The following LYPD6 variants were observed in gnomAD, a reference collection of about 807,000 sequenced individuals.
LYPD6 encodes the protein ly6/PLAUR domain-containing protein 6.
A neutral mutation model predicts 22.7 loss-of-function variants in LYPD6; 15 were observed. That is an observed-to-expected ratio of 0.66 (90% CI 0.44 to 1.02). The LOEUF is 1.02. Ranked by LOEUF, LYPD6 falls within the 50% of genes least tolerant of loss-of-function variation. The probability of loss-of-function intolerance (pLI) is 0.00; values close to 1 mark genes in which losing one functional copy is unlikely to be tolerated. For missense variants in LYPD6, 189 were observed against 208.4 expected (o/e 0.91, Z 0.57); for synonymous variants, 72 against 77.5 (o/e 0.93, Z 0.37).
At chr2:149,465,454 G>A (rs1177086397) in intron 3 of LYPD6, among the ~76,000 whole-genome samples, 2 of 152,150 alleles carry the variant, frequency 1.3e-5, no homozygotes, top group African/African-American at 2.4e-5. Context: ...TACTATTAAA[G>A]TATTTTCCTC....
At chr2:149,440,811 C>G (rs1683548613) in intron 2 of LYPD6, among the ~76,000 whole-genome samples, 1 of 149,600 alleles carries the variant, frequency 6.7e-6, no homozygotes, top group Non-Finnish European at 1.5e-5. Flanking sequence ...TGCCATTCTC[C>G]TGCCTCAGCC....
chr2:149,484,082 G>A, the LYPD6 span, among the ~76,000 whole-genome samples: 1 of 152,172 alleles, frequency 6.6e-6, no homozygotes, highest in Non-Finnish European at 1.5e-5. Flanking sequence ...TACAACAAAC[G>A]TTAATAGATT....
chr2:149,370,667 A>G (rs565385415), intron 1 of LYPD6: 14 of 152,304 alleles, frequency 9.2e-5, no homozygotes, highest in East Asian at 7.7e-4. Flanking sequence ...GGTCTGTGGT[A>G]TATTGTTATA....
At chr2:149,368,493 AC>A (rs2105075106) in intron 1 of LYPD6, among the ~76,000 whole-genome samples, 1 of 152,274 alleles carries the variant, frequency 6.6e-6, no homozygotes, top group East Asian at 1.9e-4. Flanking sequence ...TGATTGCACC[AC>A]TGCACTCCAG....
chr2:149,335,623 C>T (rs1397465534), intron 1 of LYPD6, among the ~76,000 whole-genome samples: 2 of 152,106 alleles, frequency 1.3e-5, no homozygotes, highest in Non-Finnish European at 2.9e-5. Flanking sequence ...TCTACAGTAA[C>T]GTCCTCAGCC....
chr2:149,374,652 A>G (rs1007002166), intron 1 of LYPD6, among the ~76,000 whole-genome samples: 2 of 152,116 alleles, frequency 1.3e-5, no homozygotes, highest in Non-Finnish European at 2.9e-5. Flanking sequence ...TGCATTTAGG[A>G]GGTTCTCCTG....
At chr2:149,455,077 TC>T (rs1680924621) in intron 3 of LYPD6, among the ~76,000 whole-genome samples, 1 of 152,082 alleles carries the variant, frequency 6.6e-6, no homozygotes, top group Admixed American at 6.6e-5. Context: ...AGGGGGCTTG[TC>T]TTTTCTCTGG....
intron 1 of LYPD6, among the ~76,000 whole-genome samples, chr2:149,406,632 A>C (rs1682716224): frequency 6.6e-6 from 1 of 152,210 alleles, no homozygotes; most frequent in Non-Finnish European, 1.5e-5. Context: ...GTGTCTCTGC[A>C]CGTGAGATGG....
At position 149,430,248 on chromosome 2, in the gene LYPD6, C is replaced by T. The variant is rs368008097; in HGVS notation, c.-71-7390C>T. On this transcript the variant is annotated intron_variant, in intron 1 of 4. Coordinates refer to ENST00000334166, the MANE Select transcript of LYPD6 (RefSeq NM_194317.5). ...TGGAGTAGCTGGGATTACAGGTGCC[C>T]GCCGCCATGCCCAGCTAATTTTTGT... is the stretch of plus-strand genomic sequence containing the variant. Among the ~76,000 whole-genome samples, 16 of 152,158 alleles carry T rather than the reference C, an allele frequency of 1.1e-4. No individual in the cohort carries two copies. The South Asian group carries it at 1.7e-3, about 16-fold the overall frequency.
At chr2:149,416,878 G>T (rs183949772) in intron 1 of LYPD6, among the ~76,000 whole-genome samples, 39 of 152,344 alleles carry the variant, frequency 2.6e-4, no homozygotes, top group Admixed American at 9.8e-4. Flanking sequence ...TGTGAGGCCT[G>T]CTGCTTATGA....
chr2:149,398,812 A>T (rs1682485957), intron 1 of LYPD6, among the ~76,000 whole-genome samples: 1 of 152,228 alleles, frequency 6.6e-6, no homozygotes, highest in African/African-American at 2.4e-5. Context: ...CAGAATGGAT[A>T]GAGGAGAAGG....
the LYPD6 span, among the ~76,000 whole-genome samples, chr2:149,483,539 G>A: frequency 6.6e-6 from 1 of 152,114 alleles, no homozygotes; most frequent in African/African-American, 2.4e-5. Context: ...ACTCTAAATG[G>A]GAAGAAGGCT....
upstream of LYPD6, chr2:149,330,383 A>C (rs1157443762): frequency 6.6e-6 from 1 of 150,956 alleles, no homozygotes; most frequent in African/African-American, 2.4e-5. Flanking sequence ...CTTGGCGCTC[A>C]GGCCGATTCT....
In LYPD6 at chr2:149,449,075, T is replaced by C. The variant is rs1558811915; in HGVS notation, c.145T>C (p.Cys49Arg). 6.2e-7 allele frequency: 1 copy of C among 1,613,588 alleles called. No individual in the cohort carries two copies. The highest frequency in any genetic ancestry group is 1.1e-5 in the South Asian group (1 of 90,976). Residue 49 changes from cysteine (C) to arginine (R), a missense_variant, in exon 3 of 5, where the codon TGT becomes CGT. Cys to Arg is a radical substitution (Grantham distance 180). Coordinates refer to ENST00000334166, the MANE Select transcript of LYPD6 (RefSeq NM_194317.5). Reference protein sequence around the residue: ...STTPYPGGFKCFTCEKAADNY... With the variant: ...STTPYPGGFKRFTCEKAADNY... Reference sequence around the variant, plus strand: ...CACACCATATCCTGGTGGATTTAAATGTTTCACCTGTGAAAAGGCAGCAGA... The same window carrying C: ...CACACCATATCCTGGTGGATTTAAACGTTTCACCTGTGAAAAGGCAGCAGA...
At chr2:149,470,263 G>A (rs1681301481) in intron 4 of LYPD6, among the ~76,000 whole-genome samples, 1 of 152,148 alleles carries the variant, frequency 6.6e-6, no homozygotes, top group Admixed American at 6.5e-5. Context: ...AAACCACCCG[G>A]GTTGTTGCCA....
chr2:149,485,335 C>G, the LYPD6 span, among the ~76,000 whole-genome samples: 1 of 152,140 alleles, frequency 6.6e-6, no homozygotes, highest in Non-Finnish European at 1.5e-5. Flanking sequence ...AGGTGAATCA[C>G]AATTGCAACT....
intron 1 of LYPD6, among the ~76,000 whole-genome samples, chr2:149,422,744 C>T (rs1042377410): frequency 3.3e-5 from 5 of 152,138 alleles, no homozygotes; most frequent in Non-Finnish European, 5.9e-5. Flanking sequence ...CTTTGACCAA[C>T]GTCTCCCATC....
the LYPD6 span, among the ~76,000 whole-genome samples, chr2:149,482,070 A>G: frequency 6.6e-6 from 1 of 152,178 alleles, no homozygotes; most frequent in Non-Finnish European, 1.5e-5. Context: ...TGCAAATTGT[A>G]CTGATCTTGG....
At chr2:149,444,365 G>T (rs946954451) in intron 2 of LYPD6, among the ~76,000 whole-genome samples, 3 of 152,124 alleles carry the variant, frequency 2.0e-5, no homozygotes, top group Admixed American at 6.5e-5. Flanking sequence ...GAATGATCAG[G>T]GTGATGGTTG....
Sources: allele counts gnomAD v4.1 joint callset (sites outside exome capture counted in the v4.1 genomes callset), GRCh38; gene constraint gnomAD v4.1.1; transcripts MANE v1.5; gene names NCBI Gene and HGNC (gene_info 2026-07-23, HGNC 2026-07-21).